STK24: variants seen among roughly 807,000 people sequenced by gnomAD.
STK24 encodes the protein serine/threonine kinase 24.
Under a neutral mutation model 55.6 loss-of-function variants are expected in STK24, and 21 were observed. The observed-to-expected ratio is 0.38, with a 90% CI of 0.27 to 0.54. STK24 has a LOEUF of 0.54. Ranked by LOEUF, STK24 falls within the 20% of genes least tolerant of loss-of-function variation. The pLI, the probability that STK24 is intolerant of heterozygous loss-of-function variation, is 0.79. For missense variants in STK24, 383 were observed against 538.4 expected, an observed-to-expected ratio of 0.71 and a Z score of 2.86; for synonymous variants, 200 against 215.2, an observed-to-expected ratio of 0.93 and a Z score of 0.62.
intron 2 of STK24, among the ~76,000 whole-genome samples, chr13:98,512,362 T>C (rs1895911326): frequency 6.6e-6 from 1 of 152,048 alleles, no homozygotes; most frequent in Admixed American, 6.6e-5. Flanking sequence ...AACTCTTACC[T>C]GAGGTCCATA....
intron 1 of STK24, among the ~76,000 whole-genome samples, chr13:98,565,482 A>T (rs112110613): frequency 0.014 from 2,192 of 152,140 alleles, 60 homozygotes; most frequent in African/African-American, 0.049. Context: ...AAATACAAAA[A>T]TTAGCCTGGT....
At chr13:98,457,413 C>T in intron 9 of STK24, 109 bp from the exon 10 acceptor site, 2 of 1,516,528 alleles carry the variant, frequency 1.3e-6, no homozygotes, top group Non-Finnish European at 1.8e-6. Flanking sequence ...CTACCCCAGC[C>T]CCAGGGTGTC....
chr13:98,539,675 T>A (rs901352879), intron 1 of STK24, among the ~76,000 whole-genome samples: 1 of 152,218 alleles, frequency 6.6e-6, no homozygotes, highest in East Asian at 1.9e-4. Flanking sequence ...TGGCAACTTT[T>A]TACTGCTTTG....
intron 3 of STK24, among the ~76,000 whole-genome samples, chr13:98,481,443 C>T (rs970297096): frequency 3.0e-4 from 46 of 152,298 alleles, no homozygotes; most frequent in Non-Finnish European, 5.7e-4. Context: ...ACCCTGGGAG[C>T]GCTGGCAAGC....
At chr13:98,504,869 G>A (rs1389829527) in intron 2 of STK24, among the ~76,000 whole-genome samples, 1 of 149,158 alleles carries the variant, frequency 6.7e-6, no homozygotes, top group East Asian at 1.9e-4. Context: ...TCGGGCTGAT[G>A]AGGAAGGTGC....
chr13:98,504,153 A>G (rs1895595461), intron 2 of STK24, among the ~76,000 whole-genome samples: 1 of 152,216 alleles, frequency 6.6e-6, no homozygotes, highest in African/African-American at 2.4e-5. Flanking sequence ...TCCCAAGCAC[A>G]CAAATGAAAA....
intron 1 of STK24, among the ~76,000 whole-genome samples, chr13:98,562,218 G>A (rs1199280557): frequency 1.3e-5 from 2 of 152,210 alleles, no homozygotes; most frequent in Non-Finnish European, 2.9e-5. Context: ...ACATACTCAA[G>A]TACTGGGATT....
chr13:98,570,670 G>A (rs1897717093), intron 1 of STK24, among the ~76,000 whole-genome samples: 1 of 152,168 alleles, frequency 6.6e-6, no homozygotes, highest in Non-Finnish European at 1.5e-5. Context: ...AATTTGGGAT[G>A]TTTCACAGTT....
chr13:98,543,422 C>T (rs1896941834), intron 1 of STK24, among the ~76,000 whole-genome samples: 1 of 152,144 alleles, frequency 6.6e-6, no homozygotes, highest in Admixed American at 6.5e-5. Context: ...TCCCGGTCTG[C>T]CCAAACTGCA....
chr13:98,531,558 C>A (rs1896579981), intron 1 of STK24, among the ~76,000 whole-genome samples: 1 of 152,114 alleles, frequency 6.6e-6, no homozygotes, highest in African/African-American at 2.4e-5. Flanking sequence ...ACCAGCCAAC[C>A]CTAGACACCT....
At chr13:98,518,230 TTC>T (rs1896136070) in intron 2 of STK24, among the ~76,000 whole-genome samples, 1 of 152,230 alleles carries the variant, frequency 6.6e-6, no homozygotes, top group African/African-American at 2.4e-5. Context: ...TAATCAATGG[TTC>T]TCAAAATGTC....
chr13:98,522,149 C>T, intron 1 of STK24: 1 of 975,542 alleles, frequency 1.0e-6, no homozygotes, highest in South Asian at 4.7e-5. Context: ...CACGCCCTCC[C>T]CCTCCTCTGG....
intron 2 of STK24, among the ~76,000 whole-genome samples, chr13:98,507,220 G>A (rs189506305): frequency 6.6e-6 from 1 of 152,350 alleles, no homozygotes; most frequent in East Asian, 1.9e-4. Context: ...GAGGGAATCC[G>A]GTAAGAAAAT....
At chr13:98,473,243 A>G (rs1348980464) in intron 5 of STK24, among the ~76,000 whole-genome samples, 1 of 85,124 alleles carries the variant, frequency 1.2e-5, no homozygotes, top group Non-Finnish European at 2.9e-5. Flanking sequence ...TGAAAGAGAG[A>G]GAAAGAGAGA....
chr13:98,506,832 A>G (rs1895698144), intron 2 of STK24, among the ~76,000 whole-genome samples: 1 of 152,228 alleles, frequency 6.6e-6, no homozygotes, highest in African/African-American at 2.4e-5. Context: ...TAAGAATTCA[A>G]TGCTAGGACA....
At chr13:98,551,615 T>A (rs1897162777) in intron 1 of STK24, among the ~76,000 whole-genome samples, 1 of 152,102 alleles carries the variant, frequency 6.6e-6, no homozygotes. Context: ...CCCACCTGCC[T>A]GGAATGCCCT....
intron 1 of STK24, among the ~76,000 whole-genome samples, chr13:98,528,799 C>T (rs546269793): frequency 9.2e-5 from 14 of 152,304 alleles, no homozygotes; most frequent in East Asian, 3.9e-4. Flanking sequence ...AGCTTCTCTA[C>T]GCTTTTCCAT....
chr13:98,551,206 A>G (rs377740414), intron 1 of STK24, among the ~76,000 whole-genome samples: 4 of 152,038 alleles, frequency 2.6e-5, no homozygotes. Flanking sequence ...GAATGGCGTG[A>G]ACCCGGGAGG....
chr13:98,489,135 G>A (rs997757985), intron 2 of STK24, among the ~76,000 whole-genome samples: 3 of 152,144 alleles, frequency 2.0e-5, no homozygotes, highest in African/African-American at 4.8e-5. Context: ...ACAAGGCCTC[G>A]CCTATGAGCC....
Sources: allele counts gnomAD v4.1 joint callset (sites outside exome capture counted in the v4.1 genomes callset), GRCh38; gene constraint gnomAD v4.1.1; transcripts MANE v1.5; gene names NCBI Gene and HGNC (gene_info 2026-07-23, HGNC 2026-07-21).